The following ASCC1 variants were observed in gnomAD, a reference collection of about 807,000 sequenced individuals.
The protein encoded by ASCC1 is activating signal cointegrator 1 complex subunit 1.
In ASCC1, 35 loss-of-function variants were observed where a neutral mutation model predicts 46.6. The ratio of observed to expected loss-of-function variants is 0.75; its 90% CI spans 0.57 to 0.99. ASCC1 has a LOEUF of 0.99. Ranked by LOEUF, ASCC1 falls within the 50% of genes least tolerant of loss-of-function variation. ASCC1 has a pLI of 0.00. For missense variants in ASCC1, 376 were observed against 428.7 expected (o/e 0.88, Z 1.09); for synonymous variants, 143 against 146.6 (o/e 0.98, Z 0.18).
upstream of ASCC1, chr10:72,216,694 T>C (rs1369570367): frequency 6.3e-5 from 24 of 380,422 alleles, no homozygotes; most frequent in East Asian, 1.7e-3. Flanking sequence ...CATAAATATA[T>C]GAATGCGAGG....
chr10:72,131,449 C>CACACACAT (rs1054152176), intron 8 of ASCC1, among the ~76,000 whole-genome samples: 1 of 150,968 alleles, frequency 6.6e-6, no homozygotes, highest in Admixed American at 6.6e-5. Context: ...TACACACACA[C>CACACACAT]ACACACACAC....
intron 5 of ASCC1, among the ~76,000 whole-genome samples, chr10:72,172,676 C>T (rs1040902687): frequency 7.1e-6 from 1 of 139,972 alleles, no homozygotes; most frequent in African/African-American, 2.7e-5. Flanking sequence ...GGTAAAATTA[C>T]ACTAGTTCCT....
At chr10:72,187,488 G>A (rs1331268026) in intron 5 of ASCC1, among the ~76,000 whole-genome samples, 1 of 151,060 alleles carries the variant, frequency 6.6e-6, no homozygotes, top group Non-Finnish European at 1.5e-5. Context: ...TGGGAGGCTG[G>A]GCCAGGCGGA....
At chr10:72,180,291 AG>A (rs927478198) in intron 5 of ASCC1, among the ~76,000 whole-genome samples, 2 of 151,952 alleles carry the variant, frequency 1.3e-5, no homozygotes. Context: ...AAAGAAAAAA[AG>A]AAAAAAAAAA....
At chr10:72,112,727 A>G (rs1005720722) in intron 9 of ASCC1, among the ~76,000 whole-genome samples, 1 of 151,874 alleles carries the variant, frequency 6.6e-6, no homozygotes, top group African/African-American at 2.4e-5. Flanking sequence ...AAAAATACAA[A>G]AATTTGCCAG....
At chr10:72,104,776 T>C (rs921845254) in intron 9 of ASCC1, among the ~76,000 whole-genome samples, 1 of 152,120 alleles carries the variant, frequency 6.6e-6, no homozygotes, top group African/African-American at 2.4e-5. Flanking sequence ...ACTACAAATA[T>C]TTAATGAGGA....
chr10:72,141,794 A>T (rs1847046866), intron 7 of ASCC1, among the ~76,000 whole-genome samples: 1 of 152,158 alleles, frequency 6.6e-6, no homozygotes, highest in African/African-American at 2.4e-5. Flanking sequence ...GTAGATACTA[A>T]ATTATTTATT....
intron 9 of ASCC1, among the ~76,000 whole-genome samples, chr10:72,124,352 T>G (rs1844588656): frequency 6.6e-6 from 1 of 152,370 alleles, no homozygotes; most frequent in Middle Eastern, 3.4e-3. Flanking sequence ...CCTCTGACTT[T>G]AGACCTATAG....
chr10:72,106,389 T>C (rs554584017), intron 9 of ASCC1, among the ~76,000 whole-genome samples: 28 of 152,320 alleles, frequency 1.8e-4, no homozygotes, highest in East Asian at 1.2e-3. Context: ...GATGCTATTG[T>C]TCTCATGTAT....
chr10:72,211,290 A>G (rs1858068923), intron 2 of ASCC1, among the ~76,000 whole-genome samples: 1 of 152,202 alleles, frequency 6.6e-6, no homozygotes, highest in African/African-American at 2.4e-5. Flanking sequence ...CTGATTAATA[A>G]ACTAAACTTT....
At chr10:72,172,873 T>C (rs1392062169) in intron 5 of ASCC1, among the ~76,000 whole-genome samples, 23 of 128,896 alleles carry the variant, frequency 1.8e-4, no homozygotes, top group Non-Finnish European at 3.2e-4. Flanking sequence ...ATATATATTA[T>C]ATATTATATT....
chr10:72,201,757 G>A (rs1856533199), intron 4 of ASCC1, among the ~76,000 whole-genome samples: 1 of 152,106 alleles, frequency 6.6e-6, no homozygotes, highest in South Asian at 2.1e-4. Context: ...GAGCAATGTG[G>A]CAAAACCTTG....
chr10:72,168,794 C>A (rs1157099451), intron 5 of ASCC1, among the ~76,000 whole-genome samples: 1 of 152,198 alleles, frequency 6.6e-6, no homozygotes, highest in Non-Finnish European at 1.5e-5. Flanking sequence ...GAGGACACAG[C>A]AAGCAGGTGG....
chr10:72,208,779 G>GTGTT (rs1485193145), intron 3 of ASCC1, among the ~76,000 whole-genome samples: 2 of 151,816 alleles, frequency 1.3e-5, no homozygotes, highest in African/African-American at 4.8e-5. Flanking sequence ...GTGTGTGTGT[G>GTGTT]TGTGTTTGTG....
At chr10:72,150,367 A>G (rs1848184694) in intron 7 of ASCC1, among the ~76,000 whole-genome samples, 1 of 152,216 alleles carries the variant, frequency 6.6e-6, no homozygotes, top group African/African-American at 2.4e-5. Flanking sequence ...GCAGGAAAGC[A>G]AATAAATGTG....
intron 5 of ASCC1, among the ~76,000 whole-genome samples, chr10:72,172,796 ATTATATT>A (rs1851326319): frequency 7.5e-6 from 1 of 133,986 alleles, no homozygotes. Flanking sequence ...TATATTATAT[ATTATATT>A]TTTATATTAT....
In ASCC1 at chr10:72,112,208, T is replaced by C. The variant is rs56054493; in HGVS notation, c.958-14758A>G. On this transcript the variant is annotated intron_variant, in intron 9 of 9. Coordinates refer to ENST00000672957, the MANE Select transcript of ASCC1 (RefSeq NM_001198800.3). ...TTATACTGTAGCTAAAAACACACAA[T>C]GCAGAATATATGTACAATGGAATAA... is the stretch of plus-strand genomic sequence containing the variant. Among the ~76,000 whole-genome samples, 981 of 152,330 alleles carry C rather than the reference T, an allele frequency of 6.4e-3. 9 individuals carry two copies. The highest frequency in any genetic ancestry group is 0.022 in the African/African-American group (906 of 41,572).
In ASCC1 at chr10:72,210,838, A is replaced by G. The variant is rs746732805; in HGVS notation, c.113-7T>C. On this transcript the variant is annotated splice_polypyrimidine_tract_variant and splice_region_variant and intron_variant, in intron 2 of 9. Coordinates refer to ENST00000672957, the MANE Select transcript of ASCC1 (RefSeq NM_001198800.3). ...TCAGCACACTCCATGGAGCCTGCAC[A>G]GAAACCATCACATCTCACTCAGAAA... 1 of 1,613,198 alleles carries G rather than the reference A, an allele frequency of 6.2e-7. No homozygotes were observed. Among genetic ancestry groups the G allele is most frequent in the Non-Finnish European group, 8.5e-7 (1 of 1,179,416 alleles).
intron 8 of ASCC1, 110 bp downstream of exon 8, chr10:72,132,947 T>TA (rs1589278738): frequency 3.5e-6 from 5 of 1,436,780 alleles, no homozygotes; most frequent in Non-Finnish European, 4.9e-6. Flanking sequence ...CTAAGAGGTC[T>TA]AAAAAAGAAG....
Sources: allele counts gnomAD v4.1 joint callset (sites outside exome capture counted in the v4.1 genomes callset), GRCh38; gene constraint gnomAD v4.1.1; transcripts MANE v1.5; gene names NCBI Gene and HGNC (gene_info 2026-07-23, HGNC 2026-07-21).